Variants in HBB observed in about 807,000 individuals in gnomAD.
HBB encodes the protein Hb Monza protein.
HBB carries 18 observed loss-of-function variants against 9.7 expected under a neutral mutation model. The observed-to-expected ratio is 1.86, with a 90% CI of 1.28 to 2.76. The LOEUF is 2.76. Ranked by LOEUF, HBB falls within the 30% of genes most tolerant of loss-of-function variation. The pLI is 0.00. For synonymous variants in HBB, 99 were observed against 73.6 expected, an observed-to-expected ratio of 1.35 and a Z score of -1.77; for missense variants, 156 against 177.0, an observed-to-expected ratio of 0.88 and a Z score of 0.67.
Position 5,225,687 on chromosome 11 carries a change from A to C in HBB, c.355T>G (p.Phe119Val), listed in dbSNP as rs63750530. The C allele has an allele frequency of 6.2e-7, 1 of 1,614,120 alleles. No individual in the cohort carries two copies. The highest frequency in any genetic ancestry group is 1.6e-4 in the Middle Eastern group (1 of 6,062). The change falls in exon 3 of 3, where the codon TTT becomes GTT. Residue 119 changes from phenylalanine to valine, a missense_variant. By Grantham distance (50) the Phe-to-Val change is conservative. Coordinates refer to ENST00000335295, the MANE Select transcript of HBB (RefSeq NM_000518.5). ...ACTGGTGGGGTGAATTCTTTGCCAA[A>C]GTGATGGGCCAGCACACAGACCAGC... ...NVLVCVLAHH[F>V]GKEFTPPVQA...
At chr11:5,226,529 C>T in intron 2 of HBB, 48 bp downstream of exon 2, 2 of 1,549,330 alleles carry the variant, frequency 1.3e-6, no homozygotes, top group South Asian at 1.1e-5. Context: ...ATGAACTTAA[C>T]CATAGAAAAG....
At position 5,225,665 on chromosome 11, in the gene HBB, G is replaced by A. The variant is rs1181594379; in HGVS notation, c.377C>T (p.Pro126Leu). ...AHHFGKEFTP[P>L]VQAAYQKVVA... is the part of the protein sequence containing the mutation. ...CACTTTCTGATAGGCAGCCTGCACT[G>A]GTGGGGTGAATTCTTTGCCAAAGTG... Residue 126 changes from proline to leucine, a missense_variant, in exon 3 of 3, where the codon CCA becomes CTA. Coordinates refer to ENST00000335295, the MANE Select transcript of HBB (RefSeq NM_000518.5). 1.9e-6 allele frequency: 3 copies of A among 1,614,010 alleles called. No individual in the cohort carries two copies. In the South Asian group the frequency reaches 3.3e-5, roughly 18 times the overall value.
rs780307221 is a variant in HBB at position 5,225,670 on chromosome 11, G to A, written c.372C>T (p.Thr124=). ...VLAHHFGKEF[T]PPVQAAYQKV... ...TCTGATAGGCAGCCTGCACTGGTGG[G>A]GTGAATTCTTTGCCAAAGTGATGGG... The change falls in exon 3 of 3, where the codon ACC becomes ACT. Residue 124 remains threonine (T), a synonymous_variant. Coordinates refer to ENST00000335295, the MANE Select transcript of HBB (RefSeq NM_000518.5). 4 of 1,613,958 alleles carry A rather than the reference G, an allele frequency of 2.5e-6. No homozygotes were observed. In the South Asian group the frequency reaches 3.3e-5, roughly 13 times the overall value.
chr11:5,225,643 T>C lies in HBB; in HGVS notation c.399A>G (p.Lys133=), dbSNP rs33946775. The change falls in exon 3 of 3, where the codon AAA becomes AAG. Residue 133 remains lysine, a synonymous_variant. Coordinates refer to ENST00000335295, the MANE Select transcript of HBB (RefSeq NM_000518.5). ...FTPPVQAAYQ[K]VVAGVANALA... ...GGGCATTAGCCACACCAGCCACCACTTTCTGATAGGCAGCCTGCACTGGTG... is the reference window on the plus strand; with the variant it reads ...GGGCATTAGCCACACCAGCCACCACCTTCTGATAGGCAGCCTGCACTGGTG... The C allele has an allele frequency of 6.2e-7, 1 of 1,614,140 alleles. No homozygotes were observed. The highest frequency in any genetic ancestry group is 8.5e-7 in the Non-Finnish European group (1 of 1,179,984).
At position 5,226,860 on chromosome 11, in the gene HBB, G is replaced by T; in HGVS notation, c.93-61C>A. On this transcript the variant is annotated intron_variant, in intron 1 of 2. Transcript: ENST00000335295. ...GTCAGTGCCTATCAGAAACCCAAGA[G>T]TCTTCTCTGTCTCCACATGCCCAGT... The T allele has an allele frequency of 6.3e-7, 1 of 1,590,296 alleles. No homozygotes were observed. Among genetic ancestry groups the T allele is most frequent in the Non-Finnish European group, 8.6e-7 (1 of 1,158,470 alleles).
rs978207135 is a variant in HBB at position 5,226,004 on chromosome 11, G to A, written c.316-278C>T. On this transcript the variant is annotated intron_variant, in intron 2 of 2. Coordinates refer to ENST00000335295, the MANE Select transcript of HBB (RefSeq NM_000518.5). ...ACATTGTATCATTATTGCCCTGAAA[G>A]AAAGAGATTAGGGAAAGTATTAGAA... 9.9e-5 allele frequency among the ~76,000 whole-genome samples: 15 copies of A among 152,038 alleles called. No individual in the cohort carries two copies. Among genetic ancestry groups the A allele is most frequent in the African/African-American group, 3.6e-4 (15 of 41,382 alleles).
intron 2 of HBB, chr11:5,226,255 C>G: frequency 2.0e-6 from 1 of 510,292 alleles, no homozygotes; most frequent in Non-Finnish European, 3.5e-6. Context: ...ATGTACTAGG[C>G]AGACTGTGTA....
rs1847519706 is a variant in HBB, at chr11:5,225,513, G to T, written c.*85C>A. The T allele has an allele frequency of 2.4e-6, 3 of 1,232,422 alleles. No homozygotes were observed. The highest frequency in any genetic ancestry group is 1.2e-5 in the South Asian group (1 of 83,630). 76.3% of individuals were successfully genotyped at this position (1,232,422 alleles called of 1,614,324 possible). On this transcript the variant is annotated 3_prime_UTR_variant, in exon 3 of 3. Transcript: ENST00000335295. The stretch of plus-strand genomic sequence containing the variant: ...ATTAGGCAGAATCCAGATGCTCAAG[G>T]CCCTTCATAATATCCCCCAGTTTAG...
In HBB at chr11:5,227,071, T is replaced by A; in HGVS notation, c.-50A>T. On this transcript the variant is annotated 5_prime_UTR_variant, in exon 1 of 3. Coordinates refer to ENST00000335295, the MANE Select transcript of HBB (RefSeq NM_000518.5). The stretch of plus-strand genomic sequence containing the variant: ...AACACAGTTGTGTCAGAAGCAAATG[T>A]AAGCAATAGATGGCTCTGCCCTGAC... 1 of 1,232,192 alleles carries A rather than the reference T, an allele frequency of 8.1e-7. No homozygotes were observed. The highest frequency in any genetic ancestry group is 1.2e-6 in the Non-Finnish European group (1 of 830,542). The allele number at this position is 1,232,192 out of a possible 1,614,324, so 76.3% of individuals were successfully genotyped here.
At position 5,225,746 on chromosome 11, in the gene HBB, G is replaced by C. The variant is rs756657263; in HGVS notation, c.316-20C>G. ...CAGGAGCTGTGGGAGGAAGATAAGAGGTATGAACATGATTAGCAAAAGGGC... is the reference window on the plus strand; with the variant it reads ...CAGGAGCTGTGGGAGGAAGATAAGACGTATGAACATGATTAGCAAAAGGGC... On this transcript the variant is annotated intron_variant, in intron 2 of 2. Coordinates refer to ENST00000335295, the MANE Select transcript of HBB (RefSeq NM_000518.5). 1 of 1,613,566 alleles carries C rather than the reference G, an allele frequency of 6.2e-7. No individual in the cohort carries two copies. Among genetic ancestry groups the C allele is most frequent in the Non-Finnish European group, 8.5e-7 (1 of 1,179,592 alleles).
chr11:5,226,822 A>G lies in HBB; in HGVS notation c.93-23T>C, dbSNP rs111851677. 1,700 of 1,607,692 alleles carry G rather than the reference A, an allele frequency of 1.1e-3. 18 individuals carry two copies. The African/African-American group carries it at 0.019, about 18-fold the overall frequency. On this transcript the variant is annotated intron_variant, in intron 1 of 2. Coordinates refer to ENST00000335295, the MANE Select transcript of HBB (RefSeq NM_000518.5). ...AGCCTAAGGGTGGGAAAATAGACCA[A>G]TAGGCAGAGAGAGTCAGTGCCTATC...
At position 5,225,683 on chromosome 11, in the gene HBB, C is replaced by G. The variant is rs33947020; in HGVS notation, c.359G>C (p.Gly120Ala). 1 of 1,614,012 alleles carries G rather than the reference C, an allele frequency of 6.2e-7. No homozygotes were observed. The highest frequency in any genetic ancestry group is 1.3e-5 in the African/African-American group (1 of 74,990). The change falls in exon 3 of 3, where the codon GGC becomes GCC. Residue 120 changes from glycine to alanine, a missense_variant. Coordinates refer to ENST00000335295, the MANE Select transcript of HBB (RefSeq NM_000518.5). Reference protein sequence around the residue: ...VLVCVLAHHFGKEFTPPVQAA... With the variant: ...VLVCVLAHHFAKEFTPPVQAA... The stretch of plus-strand genomic sequence containing the variant: ...CTGCACTGGTGGGGTGAATTCTTTG[C>G]CAAAGTGATGGGCCAGCACACAGAC...
At position 5,225,667 on chromosome 11, in the gene HBB, T is replaced by C. The variant is rs1445215408; in HGVS notation, c.375A>G (p.Pro125=). ...CTTTCTGATAGGCAGCCTGCACTGG[T>C]GGGGTGAATTCTTTGCCAAAGTGAT... ...LAHHFGKEFT[P]PVQAAYQKVV... is the part of the protein sequence containing the mutation. The change falls in exon 3 of 3, where the codon CCA becomes CCG. Residue 125 remains proline (P), a synonymous_variant. Coordinates refer to ENST00000335295, the MANE Select transcript of HBB (RefSeq NM_000518.5). 2 of 1,613,888 alleles carry C rather than the reference T, an allele frequency of 1.2e-6. No individual in the cohort carries two copies. Among genetic ancestry groups the C allele is most frequent in the Non-Finnish European group, 1.7e-6 (2 of 1,179,892 alleles).
rs2133588276 is a variant in HBB at position 5,226,682 on chromosome 11, A to T, written c.210T>A (p.Gly70=). The T allele has an allele frequency of 6.2e-7, 1 of 1,614,134 alleles. No homozygotes were observed. The highest frequency in any genetic ancestry group is 2.2e-5 in the East Asian group (1 of 44,868). ...KVKAHGKKVL[G]AFSDGLAHLD... Reference sequence around the variant, plus strand: ...GGTGAGCCAGGCCATCACTAAAGGCACCGAGCACTTTCTTGCCATGAGCCT... The same window carrying T: ...GGTGAGCCAGGCCATCACTAAAGGCTCCGAGCACTTTCTTGCCATGAGCCT... The change falls in exon 2 of 3, where the codon GGT becomes GGA. Residue 70 remains glycine (G), a synonymous_variant. Transcript: ENST00000335295.
Position 5,226,975 on chromosome 11 carries a change from C to T in HBB, c.47G>A (p.Trp16Ter), listed in dbSNP as rs63750783. ...PEEKSAVTAL[W>*]GKVNVDEVGG... Reference sequence around the variant, plus strand: ...AACTTCATCCACGTTCACCTTGCCCCACAGGGCAGTAACGGCAGACTTCTC... The same window carrying T: ...AACTTCATCCACGTTCACCTTGCCCTACAGGGCAGTAACGGCAGACTTCTC... The change falls in exon 1 of 3, where the codon TGG becomes TAG. Residue 16 changes from tryptophan (W) to a stop codon, truncating the protein, a stop_gained. Transcript: ENST00000335295. LOFTEE classifies it high-confidence loss of function. 52 of 1,613,724 alleles carry T rather than the reference C, an allele frequency of 3.2e-5. No homozygotes were observed. In the South Asian group the frequency reaches 5.4e-4, roughly 17 times the overall value.
Position 5,226,625 on chromosome 11 carries a change from C to T in HBB, c.267G>A (p.Leu89=). ...LDNLKGTFAT[L]SELHCDKLHV... ...GCAGCTTGTCACAGTGCAGCTCACT[C>T]AGTGTGGCAAAGGTGCCCTTGAGGT... Residue 89 remains leucine, a synonymous_variant, in exon 2 of 3, where the codon CTG becomes CTA. Transcript: ENST00000335295. 1 of 1,614,128 alleles carries T rather than the reference C, an allele frequency of 6.2e-7. No individual in the cohort carries two copies. Among genetic ancestry groups the T allele is most frequent in the Non-Finnish European group, 8.5e-7 (1 of 1,180,020 alleles).
rs1391681456 is a variant in HBB, at chr11:5,226,916, A to G, written c.92+14T>C. On this transcript the variant is annotated intron_variant, in intron 1 of 2. Transcript: ENST00000335295. ...TTGGTCTCCTTAAACCTGTCTTGTA[A>G]CCTTGATACCAACCTGCCCAGGGCC... 6.2e-7 allele frequency: 1 copy of G among 1,610,548 alleles called. No homozygotes were observed. The highest frequency in any genetic ancestry group is 1.3e-5 in the African/African-American group (1 of 74,932).
Position 5,226,610 on chromosome 11 carries a change from A to G in HBB, c.282T>C (p.Cys94=). ...TCTCAGGATCCACGTGCAGCTTGTC[A>G]CAGTGCAGCTCACTCAGTGTGGCAA... ...GTFATLSELH[C]DKLHVDPENF... The change falls in exon 2 of 3, where the codon TGT becomes TGC. Residue 94 remains cysteine (C), a synonymous_variant. Coordinates refer to ENST00000335295, the MANE Select transcript of HBB (RefSeq NM_000518.5). The G allele has an allele frequency of 5.0e-6, 8 of 1,614,132 alleles. No individual in the cohort carries two copies. The highest frequency in any genetic ancestry group is 6.8e-6 in the Non-Finnish European group (8 of 1,180,020).
Position 5,226,778 on chromosome 11 carries a change from C to T in HBB, c.114G>A (p.Trp38Ter), listed in dbSNP as rs33974936. Residue 38 changes from tryptophan to a stop codon, truncating the protein, a stop_gained, in exon 2 of 3, where the codon TGG becomes TGA. Coordinates refer to ENST00000335295, the MANE Select transcript of HBB (RefSeq NM_000518.5). LOFTEE classifies it high-confidence loss of function. The stretch of plus-strand genomic sequence containing the variant: ...CAAAGGACTCAAAGAACCTCTGGGT[C>T]CAAGGGTAGACCACCAGCAGCCTAA... Reference protein sequence around the residue: ...ALGRLLVVYPWTQRFFESFGD... With the variant: ...ALGRLLVVYP 2 of 1,614,108 alleles carry T rather than the reference C, an allele frequency of 1.2e-6. No individual in the cohort carries two copies. Among genetic ancestry groups the T allele is most frequent in the Middle Eastern group, 1.6e-4 (1 of 6,062 alleles).
Sources: allele counts gnomAD v4.1 joint callset (sites outside exome capture counted in the v4.1 genomes callset), GRCh38; gene constraint gnomAD v4.1.1; transcripts MANE v1.5; gene names NCBI Gene and HGNC (gene_info 2026-07-23, HGNC 2026-07-21).